The following SREBF2 variants were observed in gnomAD, a reference collection of about 807,000 sequenced individuals.
SREBF2 encodes sterol regulatory element binding transcription factor 2.
A neutral mutation model predicts 113.1 loss-of-function variants in SREBF2; 55 were observed. The observed-to-expected ratio is 0.49, with a 90% CI of 0.39 to 0.61. The LOEUF (loss-of-function observed/expected upper bound fraction) is 0.61. SREBF2 is among the 20% of genes least tolerant of loss of function. SREBF2 has a pLI of 0.00. For synonymous variants in SREBF2, 593 were observed against 605.7 expected (o/e 0.98, Z 0.31); for missense variants, 1,349 against 1,487.4 (o/e 0.91, Z 1.53).
chr22:41,868,603 C>T lies in SREBF2; in HGVS notation c.539-8C>T, dbSNP rs1472869711. The T allele has an allele frequency of 2.5e-6, 4 of 1,614,210 alleles. No homozygotes were observed. The highest frequency in any genetic ancestry group is 2.5e-6 in the Non-Finnish European group (3 of 1,180,026). On this transcript the variant is annotated splice_polypyrimidine_tract_variant and splice_region_variant and intron_variant, in intron 2 of 18. Transcript: ENST00000361204. ...ATCTCTGTGCCTTCTTTCTCCTCTT[C>T]TCCCAAGTCCTTCAGCCTCAAGTCC...
Position 41,905,980 on chromosome 22 carries a change from A to T in SREBF2, c.*320A>T, listed in dbSNP as rs1224120340. The T allele has an allele frequency of 1.7e-6, 1 of 577,674 alleles. No homozygotes were observed. The highest frequency in any genetic ancestry group is 3.3e-6 in the Non-Finnish European group (1 of 305,538). The allele number at this position is 577,674 out of a possible 1,614,324, so 35.8% of individuals were successfully genotyped here. A position where few individuals can be genotyped will look rare whatever the true frequency, so the allele number is the denominator to read the frequency against. On this transcript the variant is annotated 3_prime_UTR_variant, in exon 19 of 19. Coordinates refer to ENST00000361204, the MANE Select transcript of SREBF2 (RefSeq NM_004599.4). ...GCCTTCCTGAGTTTCTCTCTCCTGA[A>T]CCCTACTCTCTCCTTTTTGCTTCCT...
At position 41,900,939 on chromosome 22, in the gene SREBF2, G is replaced by A. The variant is rs763910112; in HGVS notation, c.2907+441G>A. On this transcript the variant is annotated intron_variant, in intron 16 of 18. Transcript: ENST00000361204. ...TTGGCTGGCCGCATACCTCCTGGCGGGCAGCTGTGGTGCATTGTAGTTGCA... is the reference window on the plus strand; with the variant it reads ...TTGGCTGGCCGCATACCTCCTGGCGAGCAGCTGTGGTGCATTGTAGTTGCA... The A allele has an allele frequency of 5.6e-6, 3 of 535,948 alleles. No individual in the cohort carries two copies. The East Asian group carries it at 1.6e-4, about 29-fold the overall frequency. The allele number at this position is 535,948 out of a possible 1,614,324, so 33.2% of individuals were successfully genotyped here.
chr22:41,901,571 G>A (rs534683771), intron 16 of SREBF2, among the ~76,000 whole-genome samples: 1 of 152,304 alleles, frequency 6.6e-6, no homozygotes, highest in South Asian at 2.1e-4. Flanking sequence ...TGAGGCAGAA[G>A]AATCACTTGA....
chr22:41,867,255 C>T lies in SREBF2; in HGVS notation c.513C>T (p.Tyr171=). Residue 171 remains tyrosine (Y), a synonymous_variant, in exon 2 of 19, where the codon TAC becomes TAT. Coordinates refer to ENST00000361204, the MANE Select transcript of SREBF2 (RefSeq NM_004599.4). ...GGATCATCCAGCAGCCTTTGATATA[C>T]CAGAATGCAGCTACTAGCTTTCAAG... is the stretch of plus-strand genomic sequence containing the variant. ...QTRIIQQPLI[Y]QNAATSFQVL... The T allele has an allele frequency of 1.2e-6, 2 of 1,614,204 alleles. No individual in the cohort carries two copies. Among genetic ancestry groups the T allele is most frequent in the Non-Finnish European group, 1.7e-6 (2 of 1,180,042 alleles).
chr22:41,873,332 GC>G (rs1438886478), intron 4 of SREBF2, among the ~76,000 whole-genome samples: 1 of 152,150 alleles, frequency 6.6e-6, no homozygotes, highest in African/African-American at 2.4e-5. Flanking sequence ...TGTCACTTCT[GC>G]CCTTGAGCTT....
chr22:41,879,544 G>A (rs182113039), intron 9 of SREBF2, among the ~76,000 whole-genome samples: 1 of 152,320 alleles, frequency 6.6e-6, no homozygotes, highest in East Asian at 1.9e-4. Flanking sequence ...GGGAAAGGCA[G>A]GGGAGGAGCC....
intron 1 of SREBF2, among the ~76,000 whole-genome samples, chr22:41,853,543 A>G (rs1193205285): frequency 6.6e-6 from 1 of 152,172 alleles, no homozygotes; most frequent in Non-Finnish European, 1.5e-5. Flanking sequence ...GAGGTCAAGG[A>G]CTAATTTATT....
rs775577378 is a variant in SREBF2, at chr22:41,877,292, C to T, written c.1450C>T (p.Leu484=). Residue 484 remains leucine (L), a synonymous_variant, in exon 8 of 19, where the codon CTG becomes TTG. Coordinates refer to ENST00000361204, the MANE Select transcript of SREBF2 (RefSeq NM_004599.4). ...LGMVDRSRIL[L]CVLTFLCLSF... is the part of the protein sequence containing the mutation. ...CATGGTAGACCGCTCACGGATTCTT[C>T]TGTGTGTCCTCACCTTCCTGTGCCT... 2.1e-5 allele frequency: 34 copies of T among 1,614,120 alleles called. No individual in the cohort carries two copies. In the East Asian group the frequency reaches 7.1e-4, roughly 34 times the overall value.
intron 11 of SREBF2, among the ~76,000 whole-genome samples, 178 bp downstream of exon 11, chr22:41,885,189 ACCAAAATT>A (rs932301931): frequency 1.3e-5 from 2 of 152,170 alleles, no homozygotes; most frequent in African/African-American, 4.8e-5. Flanking sequence ...GATAAAACAG[ACCAAAATT>A]CCTCCCCTTG....
At chr22:41,864,259 T>TACACACACACACAC (rs1388382956) in intron 1 of SREBF2, among the ~76,000 whole-genome samples, 2 of 65,264 alleles carry the variant, frequency 3.1e-5, no homozygotes, top group African/African-American at 1.1e-4. Flanking sequence ...TATATATATA[T>TACACACACACACAC]ATACACACAC....
At chr22:41,875,845 C>G (rs1388011482) in intron 7 of SREBF2, 121 bp downstream of exon 7, 1 of 1,194,156 alleles carries the variant, frequency 8.4e-7, no homozygotes, top group Non-Finnish European at 1.2e-6. Context: ...TGGAGAAAAA[C>G]AGGAATTCTG....
chr22:41,903,247 A>C, intron 17 of SREBF2, 92 bp downstream of exon 17: 1 of 1,477,336 alleles, frequency 6.8e-7, no homozygotes, highest in South Asian at 1.2e-5. Context: ...GTGGTTGTGG[A>C]GTTGGCCCTC....
intron 1 of SREBF2, among the ~76,000 whole-genome samples, chr22:41,836,745 G>A (rs183236304): frequency 9.8e-5 from 15 of 152,328 alleles, no homozygotes; most frequent in African/African-American, 3.6e-4. Context: ...CAAGGAAATA[G>A]CCAGCCTGGA....
chr22:41,870,013 G>T (rs370409390), intron 3 of SREBF2, among the ~76,000 whole-genome samples: 1 of 151,826 alleles, frequency 6.6e-6, no homozygotes, highest in African/African-American at 2.4e-5. Flanking sequence ...GCGCCATCAC[G>T]CCCAGCTAAT....
rs1316424050 is a variant in SREBF2 at position 41,875,866 on chromosome 22, C to T, written c.1386+142C>T. On this transcript the variant is annotated intron_variant, in intron 7 of 18. Transcript: ENST00000361204. Reference sequence around the variant, plus strand: ...AAAACAGGAATTCTGTGAAATTAGCCAGGTCCTGGAGAATAAAGAAAGAAA... The same window carrying T: ...AAAACAGGAATTCTGTGAAATTAGCTAGGTCCTGGAGAATAAAGAAAGAAA... 5.0e-6 allele frequency: 5 copies of T among 1,009,684 alleles called. No individual in the cohort carries two copies. In the Admixed American group the frequency reaches 6.0e-5, roughly 12 times the overall value. The allele number at this position is 1,009,684 out of a possible 1,614,324, so 62.5% of individuals were successfully genotyped here.
chr22:41,857,706 C>T (rs1368105168), intron 1 of SREBF2, among the ~76,000 whole-genome samples: 1 of 152,164 alleles, frequency 6.6e-6, no homozygotes, highest in Admixed American at 6.6e-5. Context: ...TCAACACCTC[C>T]TCCAGACTCT....
At chr22:41,897,987 G>A (rs1315842956) in intron 14 of SREBF2, among the ~76,000 whole-genome samples, 4 of 152,188 alleles carry the variant, frequency 2.6e-5, no homozygotes, top group Non-Finnish European at 5.9e-5. Flanking sequence ...GAAAGCTTAG[G>A]TTGTATCCAT....
chr22:41,861,278 T>G (rs1182592971), intron 1 of SREBF2, among the ~76,000 whole-genome samples: 1 of 151,684 alleles, frequency 6.6e-6, no homozygotes, highest in Non-Finnish European at 1.5e-5. Context: ...GGTCAGCAGT[T>G]CGAGACGAGC....
rs1044461102 is a variant in SREBF2 at position 41,848,610 on chromosome 22, G to A, written c.88+15252G>A. On this transcript the variant is annotated intron_variant, in intron 1 of 18. Transcript: ENST00000361204. ...TGCTGGGAGGTGGGGCAACCCCAGC[G>A]AGAAACTCCTAGGAGGAAGCACCTC... Among the ~76,000 whole-genome samples the A allele has an allele frequency of 1.2e-4, 19 of 152,136 alleles. 1 individual carries two copies. The highest frequency in any genetic ancestry group is 1.2e-3 in the Admixed American group (18 of 15,272).
Sources: gnomAD v4.1 joint callset for allele counts (sites outside exome capture counted in the v4.1 genomes callset) on GRCh38, gnomAD v4.1.1 for gene constraint, MANE v1.5 for transcripts, NCBI Gene and HGNC (gene_info 2026-07-23, HGNC 2026-07-21) for gene names.